EVC2: variants seen among roughly 807,000 people sequenced by gnomAD.
EVC2 encodes limbin.
Under a neutral mutation model 149.3 loss-of-function variants are expected in EVC2, and 148 were observed. The observed-to-expected ratio is 0.99, with a 90% CI of 0.87 to 1.14. EVC2 has a LOEUF of 1.14. Among genes scored for constraint, EVC2 ranks in the 50% most tolerant of loss-of-function variants. The pLI, the probability that EVC2 is intolerant of heterozygous loss-of-function variation, is 0.00. For missense variants in EVC2, 1,854 were observed against 1,627.3 expected, an observed-to-expected ratio of 1.14 and a Z score of -2.40; for synonymous variants, 776 against 649.9, an observed-to-expected ratio of 1.19 and a Z score of -2.95.
intron 2 of EVC2, among the ~76,000 whole-genome samples, chr4:5,695,347 CA>C (rs554000879): frequency 1.3e-3 from 148 of 110,598 alleles, no homozygotes; most frequent in African/African-American, 1.4e-3. Context: ...GACTCCATCT[CA>C]AAAAAAAAAA....
Position 5,670,047 on chromosome 4 carries a change from C to T in EVC2, c.871-4398G>A, listed in dbSNP as rs1719536717. On this transcript the variant is annotated intron_variant, in intron 7 of 21. Coordinates refer to ENST00000344408, the MANE Select transcript of EVC2 (RefSeq NM_147127.5). This position sits in a 1 kb window ranked among gnomAD's most constrained non-coding sequence, Gnocchi z 5.2. ...CATTTATCTGTGTTGTTAAATTATG[C>T]TAGGTCCTGCCCTGCCTACAATGCC... Among the ~76,000 whole-genome samples the T allele has an allele frequency of 1.3e-5, 2 of 152,184 alleles. No homozygotes were observed. Among genetic ancestry groups the T allele is most frequent in the Admixed American group, 1.3e-4 (2 of 15,284 alleles).
At chr4:5,691,197 C>G (rs2151733827) in intron 4 of EVC2, 68 bp downstream of exon 4, 2 of 1,384,744 alleles carry the variant, frequency 1.4e-6, no homozygotes, top group Non-Finnish European at 2.1e-6. Flanking sequence ...ATACATGACT[C>G]TAATAAAATG....
intron 7 of EVC2, among the ~76,000 whole-genome samples, chr4:5,674,980 G>A (rs1272344699): frequency 6.6e-6 from 1 of 152,154 alleles, no homozygotes; most frequent in East Asian, 1.9e-4. Context: ...CAAGCCCCCA[G>A]GCATACAAAT....
At position 5,670,151 on chromosome 4, in the gene EVC2, G is replaced by A. The variant is rs1246592962; in HGVS notation, c.871-4502C>T. Among the ~76,000 whole-genome samples, 3 of 152,166 alleles carry A rather than the reference G, an allele frequency of 2.0e-5. No homozygotes were observed. The highest frequency in any genetic ancestry group is 4.4e-5 in the Non-Finnish European group (3 of 68,050). ...TCAATATGTAATTTTATGAGAAGAA[G>A]GAGGCTCCATATAATCACTACCATC... is the stretch of plus-strand genomic sequence containing the variant. On this transcript the variant is annotated intron_variant, in intron 7 of 21. Transcript: ENST00000344408. This position sits in a 1 kb window ranked among gnomAD's most constrained non-coding sequence, Gnocchi z 5.2.
At chr4:5,688,292 C>T (rs374765524) in intron 5 of EVC2, among the ~76,000 whole-genome samples, 30 of 152,152 alleles carry the variant, frequency 2.0e-4, no homozygotes, top group African/African-American at 4.6e-4. Context: ...GCCGTGAGTA[C>T]GGAGGCATGG....
At chr4:5,607,182 A>G (rs1042717433) in intron 16 of EVC2, among the ~76,000 whole-genome samples, 4 of 152,158 alleles carry the variant, frequency 2.6e-5, no homozygotes, top group African/African-American at 9.7e-5. Context: ...GGGAGGGCTC[A>G]TGGGAAGGGA....
At chr4:5,604,194 A>T (rs986155322) in intron 16 of EVC2, among the ~76,000 whole-genome samples, 3 of 152,230 alleles carry the variant, frequency 2.0e-5, no homozygotes, top group African/African-American at 7.2e-5. Context: ...CTAAATATCC[A>T]GTAGTTGAGG....
At chr4:5,629,257 G>C (rs1716354897) in intron 11 of EVC2, among the ~76,000 whole-genome samples, 1 of 152,228 alleles carries the variant, frequency 6.6e-6, no homozygotes, top group South Asian at 2.1e-4. Flanking sequence ...TAGATAATGT[G>C]AGGTGTGTTC....
At chr4:5,536,944 C>T in the EVC2 span, among the ~76,000 whole-genome samples, 1 of 152,156 alleles carries the variant, frequency 6.6e-6, no homozygotes, top group African/African-American at 2.4e-5. Flanking sequence ...GATGATATCC[C>T]TGTCATCTGA....
intron 8 of EVC2, among the ~76,000 whole-genome samples, chr4:5,664,838 T>A (rs1269728339): frequency 6.6e-6 from 1 of 152,146 alleles, no homozygotes; most frequent in Non-Finnish European, 1.5e-5. Context: ...ACTTCCCACA[T>A]AAGCTACTTG....
exon 22 of EVC2, chr4:5,543,100 CTA>C: frequency 1.6e-6 from 2 of 1,282,280 alleles, no homozygotes; most frequent in Non-Finnish European, 2.0e-6. Flanking sequence ...GGTAACTCAT[CTA>C]TGTTTGGGAC....
intron 16 of EVC2, among the ~76,000 whole-genome samples, chr4:5,595,863 G>A (rs2108803156): frequency 6.6e-6 from 1 of 152,242 alleles, no homozygotes; most frequent in African/African-American, 2.4e-5. Flanking sequence ...AAAATAAAAG[G>A]ATGGAGAAAG....
At chr4:5,691,008 T>C (rs1030302862) in intron 4 of EVC2, among the ~76,000 whole-genome samples, 1 of 152,208 alleles carries the variant, frequency 6.6e-6, no homozygotes, top group Non-Finnish European at 1.5e-5. Flanking sequence ...AAACAAAATA[T>C]ATCAGACTTT....
intron 21 of EVC2, 51 bp downstream of exon 21, chr4:5,565,207 G>A (rs1455335797): frequency 6.3e-7 from 1 of 1,577,628 alleles, no homozygotes; most frequent in Admixed American, 1.7e-5. Context: ...TGGCCCACAG[G>A]CAGCTTAGCT....
chr4:5,698,098 C>T (rs796523027), intron 1 of EVC2, among the ~76,000 whole-genome samples: 17 of 152,226 alleles, frequency 1.1e-4, no homozygotes, highest in African/African-American at 3.6e-4. Flanking sequence ...TTTTCTAAGT[C>T]GGCCATTCCC....
rs1712033790 is a variant in EVC2 at position 5,583,887 on chromosome 4, G to C, written c.3057+736C>G. Among the ~76,000 whole-genome samples the C allele has an allele frequency of 2.1e-5, 3 of 143,390 alleles. 1 individual carries two copies. In the South Asian group the frequency reaches 7.0e-4, roughly 34 times the overall value. 94.1% of individuals were successfully genotyped at this position (143,390 alleles called of 152,430 possible). A position where few individuals can be genotyped will look rare whatever the true frequency, so the allele number is the denominator to read the frequency against. On this transcript the variant is annotated intron_variant, in intron 17 of 21. Coordinates refer to ENST00000344408, the MANE Select transcript of EVC2 (RefSeq NM_147127.5). ...TTTTTTTTTTTTGAGACGGAGTCTT[G>C]CTCTGTCTCACCCAGGCTGGAGTGT...
intron 1 of EVC2, among the ~76,000 whole-genome samples, chr4:5,703,869 T>C (rs1245303213): frequency 6.6e-6 from 1 of 152,014 alleles, no homozygotes; most frequent in East Asian, 1.9e-4. Context: ...GGGGTTGCCA[T>C]TTTAAATGGG....
At chr4:5,534,884 C>CA in the EVC2 span, among the ~76,000 whole-genome samples, 1 of 150,400 alleles carries the variant, frequency 6.6e-6, no homozygotes, top group Non-Finnish European at 1.5e-5. Flanking sequence ...GGTTAATGGC[C>CA]ATAACACAAG....
chr4:5,685,947 C>T (rs1720676490), intron 5 of EVC2, among the ~76,000 whole-genome samples: 1 of 152,160 alleles, frequency 6.6e-6, no homozygotes, highest in Non-Finnish European at 1.5e-5. Flanking sequence ...CTAAGCTTGT[C>T]CTCCAATCTG....
Sources: allele counts gnomAD v4.1 joint callset (sites outside exome capture counted in the v4.1 genomes callset), GRCh38; gene constraint gnomAD v4.1.1; non-coding constraint Gnocchi (gnomAD v3.1); transcripts MANE v1.5; gene names NCBI Gene and HGNC (gene_info 2026-07-23, HGNC 2026-07-21).